Variants in CEP170 observed in about 807,000 individuals in gnomAD.
The protein encoded by CEP170 is centrosomal protein 170.
CEP170 carries 21 observed loss-of-function variants against 151.9 expected under a neutral mutation model. The observed-to-expected ratio is 0.14, with a 90% confidence interval of 0.10 to 0.20. The LOEUF (loss-of-function observed/expected upper bound fraction) is 0.20, where lower values mean the gene tolerates loss of function less well. CEP170 is among the 10% of genes least tolerant of loss of function. CEP170 has a pLI of 1.00. For missense variants in CEP170, 964 were observed against 1,892.9 expected (o/e 0.51, Z 9.11); for synonymous variants, 356 against 648.8 (o/e 0.55, Z 6.86).
intron 10 of CEP170, among the ~76,000 whole-genome samples, chr1:243,177,449 A>G (rs1482408370): frequency 6.6e-6 from 1 of 152,348 alleles, no homozygotes; most frequent in Non-Finnish European, 1.5e-5. Flanking sequence ...TAGTATATCA[A>G]TCACATCAAG....
intron 14 of CEP170, among the ~76,000 whole-genome samples, chr1:243,151,699 G>A (rs897441783): frequency 2.0e-5 from 3 of 152,252 alleles, no homozygotes; most frequent in African/African-American, 7.2e-5. Flanking sequence ...AGAAGCTGTA[G>A]CAACTTATCC....
intron 4 of CEP170, 83 bp from the exon 5 acceptor site, chr1:243,200,918 T>A: frequency 6.7e-7 from 1 of 1,491,266 alleles, no homozygotes. Flanking sequence ...TTAGAAATTG[T>A]TCTATTTCAA....
chr1:243,201,182 A>G (rs1221876550), intron 4 of CEP170, among the ~76,000 whole-genome samples: 1 of 152,068 alleles, frequency 6.6e-6, no homozygotes, highest in Non-Finnish European at 1.5e-5. Flanking sequence ...TTATATTGAG[A>G]GCTAATCACA....
chr1:243,176,151 G>C (rs2059236980), intron 10 of CEP170, among the ~76,000 whole-genome samples: 1 of 152,012 alleles, frequency 6.6e-6, no homozygotes, highest in South Asian at 2.1e-4. Context: ...CTCTTCTCTG[G>C]TCTGGTCTCA....
At chr1:243,160,949 T>C (rs562634444) in intron 13 of CEP170, among the ~76,000 whole-genome samples, 141 of 152,090 alleles carry the variant, frequency 9.3e-4, no homozygotes, top group Middle Eastern at 3.2e-3. Flanking sequence ...GTGCTTTATT[T>C]TGATAATTCA....
At chr1:243,181,595 T>C (rs2059620658) in intron 10 of CEP170, among the ~76,000 whole-genome samples, 1 of 152,192 alleles carries the variant, frequency 6.6e-6, no homozygotes, top group Non-Finnish European at 1.5e-5. Context: ...CCTATTTTAA[T>C]GCTATGCAAC....
chr1:243,199,976 T>C (rs1024128084), intron 6 of CEP170, among the ~76,000 whole-genome samples: 11 of 151,888 alleles, frequency 7.2e-5, no homozygotes, highest in African/African-American at 2.4e-4. Context: ...TCTGAATCTG[T>C]AGGTTCTGCA....
intron 1 of CEP170, among the ~76,000 whole-genome samples, chr1:243,239,638 T>C (rs1399924361): frequency 6.6e-6 from 1 of 152,196 alleles, no homozygotes; most frequent in Non-Finnish European, 1.5e-5. Flanking sequence ...GAAAGCTCTA[T>C]GCTGTCCCAA....
chr1:243,126,974 C>A lies in CEP170; in HGVS notation c.4466-236G>T, dbSNP rs560329934. On this transcript the variant is annotated intron_variant, in intron 19 of 19. Transcript: ENST00000366542. ...GTGGCACTTACGGGCATTTCAGAGA[C>A]TTGTAAGTCTGGTATTTGAAGATGT... 9.9e-5 allele frequency among the ~76,000 whole-genome samples: 15 copies of A among 152,224 alleles called. No individual in the cohort carries two copies. The South Asian group carries it at 2.7e-3, about 27-fold the overall frequency.
intron 3 of CEP170, among the ~76,000 whole-genome samples, chr1:243,215,621 C>T (rs2062203930): frequency 1.3e-5 from 2 of 152,182 alleles, no homozygotes; most frequent in African/African-American, 2.4e-5. Flanking sequence ...ACCCTGTCTC[C>T]TGATAAGATG....
intron 1 of CEP170, among the ~76,000 whole-genome samples, chr1:243,252,182 C>G (rs190064990): frequency 1.3e-5 from 2 of 152,150 alleles, no homozygotes; most frequent in African/African-American, 4.8e-5. Flanking sequence ...TCAAATGGCA[C>G]GTAACTGCTC....
chr1:243,142,858 G>T (rs1000578835), intron 14 of CEP170, among the ~76,000 whole-genome samples: 3 of 152,068 alleles, frequency 2.0e-5, no homozygotes, highest in Non-Finnish European at 4.4e-5. Flanking sequence ...TCTAAGTGAC[G>T]CTTAGCATTT....
chr1:243,149,959 C>T (rs1459320078), intron 14 of CEP170, among the ~76,000 whole-genome samples: 2 of 151,856 alleles, frequency 1.3e-5, no homozygotes, highest in East Asian at 3.9e-4. Context: ...ATATTTTAGG[C>T]TTTGAAAAAC....
At chr1:243,245,151 T>C (rs2065248582) in intron 1 of CEP170, among the ~76,000 whole-genome samples, 1 of 152,158 alleles carries the variant, frequency 6.6e-6, no homozygotes, top group African/African-American at 2.4e-5. Flanking sequence ...ATATAATGTA[T>C]GTGTGCAAAA....
At chr1:243,152,827 G>A (rs184830727) in intron 14 of CEP170, among the ~76,000 whole-genome samples, 94 of 152,244 alleles carry the variant, frequency 6.2e-4, no homozygotes, top group African/African-American at 2.2e-3. Flanking sequence ...CACCGTGCCT[G>A]GCCCGTTTTG....
At chr1:243,221,031 T>G (rs941138480) in intron 3 of CEP170, among the ~76,000 whole-genome samples, 1 of 136,316 alleles carries the variant, frequency 7.3e-6, no homozygotes, top group African/African-American at 3.4e-5. Context: ...TTTTCTTTTC[T>G]TTTTTTTGAG....
chr1:243,148,472 G>A (rs1039152729), intron 14 of CEP170, among the ~76,000 whole-genome samples: 3 of 152,084 alleles, frequency 2.0e-5, no homozygotes, highest in Admixed American at 6.5e-5. Context: ...TACTCAGGAC[G>A]CTGAGGCACA....
chr1:243,242,900 A>T (rs1207946125), intron 1 of CEP170, among the ~76,000 whole-genome samples: 3 of 151,988 alleles, frequency 2.0e-5, no homozygotes, highest in Non-Finnish European at 4.4e-5. Flanking sequence ...GGGTTTCTCC[A>T]TGCTGGTCAG....
Position 243,221,716 on chromosome 1 carries a change from T to C in CEP170, c.195+8A>G. ...TCAAACAAGACAAAAAATAAACCATTGACTTACCCCATTGAGGCTGCCCAA... is the reference window on the plus strand; with the variant it reads ...TCAAACAAGACAAAAAATAAACCATCGACTTACCCCATTGAGGCTGCCCAA... On this transcript the variant is annotated splice_region_variant and intron_variant, in intron 3 of 19. Transcript: ENST00000366542. 1 of 1,604,456 alleles carries C rather than the reference T, an allele frequency of 6.2e-7. No individual in the cohort carries two copies. Among genetic ancestry groups the C allele is most frequent in the Non-Finnish European group, 8.5e-7 (1 of 1,176,862 alleles).
Sources: allele counts gnomAD v4.1 joint callset (sites outside exome capture counted in the v4.1 genomes callset), GRCh38; gene constraint gnomAD v4.1.1; transcripts MANE v1.5; gene names NCBI Gene and HGNC (gene_info 2026-07-23, HGNC 2026-07-21).